The following C3 variants were observed in gnomAD, a reference collection of about 807,000 sequenced individuals.
C3 encodes the protein C3 and PZP-like alpha-2-macroglobulin domain-containing protein 1.
Under a neutral mutation model 207.9 loss-of-function variants are expected in C3, and 97 were observed. The ratio of observed to expected loss-of-function variants is 0.47; its 90% confidence interval spans 0.40 to 0.55. The LOEUF (loss-of-function observed/expected upper bound fraction) is 0.55. C3 is among the 20% of genes least tolerant of loss of function. C3 has a pLI of 0.00. For synonymous variants in C3, 848 were observed against 857.6 expected (o/e 0.99, Z 0.20); for missense variants, 1,684 against 2,171.7 (o/e 0.78, Z 4.46).
chr19:6,678,128 C>A (rs766732348), intron 40 of C3, 24 bp downstream of exon 40: 3 of 1,614,040 alleles, frequency 1.9e-6, no homozygotes, highest in East Asian at 2.2e-5. Context: ...GGCGGTCGCG[C>A]GCACGCGCAG....
rs1452769957 is a variant in C3 at position 6,702,141 on chromosome 19, A to G, written c.2426T>C (p.Met809Thr). 2 of 1,596,312 alleles carry G rather than the reference A, an allele frequency of 1.3e-6. No homozygotes were observed. The highest frequency in any genetic ancestry group is 2.2e-5 in the South Asian group (2 of 90,668). ...TCCTCTCTCACCTTTCTTGTCCGAC[A>G]TGCTCACAGCCAGAATCTCCCACGT... ...ITTWEILAVS[M>T]SDKKGICVAD... Residue 809 changes from methionine (M) to threonine (T), a missense_variant, in exon 19 of 41, where the codon ATG (methionine) becomes ACG (threonine). Met to Thr is a moderately conservative substitution (Grantham distance 81). Coordinates refer to ENST00000245907, the MANE Select transcript of C3 (RefSeq NM_000064.4).
chr19:6,713,332 G>A lies in C3; in HGVS notation c.877-17C>T. 1 of 1,613,844 alleles carries A rather than the reference G, an allele frequency of 6.2e-7. No homozygotes were observed. Among genetic ancestry groups the A allele is most frequent in the Admixed American group, 1.7e-5 (1 of 60,006 alleles). ...ATCCTCAATCTGAGAAGGGAGAGGA[G>A]GGCTCAGAGAGGGGAGCGGGCTCAG... On this transcript the variant is annotated splice_polypyrimidine_tract_variant and intron_variant, in intron 8 of 40. Coordinates refer to ENST00000245907, the MANE Select transcript of C3 (RefSeq NM_000064.4).
intron 11 of C3, 74 bp from the exon 12 acceptor site, chr19:6,711,270 A>G: frequency 1.6e-6 from 2 of 1,244,766 alleles, no homozygotes; most frequent in Non-Finnish European, 2.3e-6. Flanking sequence ...AGACCTGGGA[A>G]TTGGTGGCCT....
chr19:6,705,121 C>A (rs1967747010), intron 17 of C3, among the ~76,000 whole-genome samples: 1 of 152,098 alleles, frequency 6.6e-6, no homozygotes, highest in Non-Finnish European at 1.5e-5. Flanking sequence ...GGGATAGTAA[C>A]ATTTAGCCAT....
At chr19:6,697,291 G>C (rs1244995257) in intron 21 of C3, 53 bp downstream of exon 21, 2 of 1,342,398 alleles carry the variant, frequency 1.5e-6, no homozygotes, top group African/African-American at 2.9e-5. Context: ...ATAGTACGAA[G>C]ACCAGGAGCC....
chr19:6,687,284 C>T (rs1776807900), intron 27 of C3, among the ~76,000 whole-genome samples: 2 of 152,186 alleles, frequency 1.3e-5, no homozygotes, highest in Admixed American at 6.5e-5. Context: ...GAGACATTCT[C>T]CAAATTGTTA....
chr19:6,691,999 CACACACACACACACA>C (rs1568214768), intron 26 of C3, among the ~76,000 whole-genome samples: 4 of 141,476 alleles, frequency 2.8e-5, no homozygotes, highest in African/African-American at 1.2e-4. Context: ...AACACACACA[CACACACACACACACA>C]CACACACACA....
chr19:6,694,360 G>A, intron 24 of C3, 71 bp downstream of exon 24: 1 of 1,384,700 alleles, frequency 7.2e-7, no homozygotes, highest in Non-Finnish European at 1.0e-6. Context: ...CTTGAGATGA[G>A]GTGGGATCTT....
chr19:6,714,503 T>G, intron 4 of C3, 57 bp from the exon 5 acceptor site: 1 of 1,230,004 alleles, frequency 8.1e-7, no homozygotes, highest in Non-Finnish European at 1.2e-6. Context: ...AGGCTGGGCT[T>G]AGCCTCTCAG....
At chr19:6,699,873 T>C (rs1463433608) in intron 19 of C3, among the ~76,000 whole-genome samples, 1 of 151,346 alleles carries the variant, frequency 6.6e-6, no homozygotes, top group African/African-American at 2.4e-5. Context: ...ATTTTGGGTA[T>C]ATTTAAATTA....
intron 26 of C3, 136 bp downstream of exon 26, chr19:6,692,787 CT>C (rs1918198641): frequency 4.6e-6 from 5 of 1,092,442 alleles, no homozygotes; most frequent in Non-Finnish European, 6.9e-6. Flanking sequence ...ATATATCTGC[CT>C]GCCCCCACCC....
At position 6,697,406 on chromosome 19, in the gene C3, C is replaced by A. The variant is rs1202473363; in HGVS notation, c.2734G>T (p.Val912Phe). The change falls in exon 21 of 41, where the codon GTC becomes TTC. Residue 912 changes from valine (V) to phenylalanine (F), a missense_variant. Val to Phe is a conservative substitution (Grantham distance 50). Around this residue, in one of 3 missense-constraint regions of C3, gnomAD observed 1,280 missense variants for 1,739.1 expected, o/e 0.74. Transcript: ENST00000245907. ...AAATGATGGTAGACAGCAGCCTTGA[C>A]TTCCACTTCCTGCAGGCCGGTCTTT... ...PLKTGLQEVE[V>F]KAAVYHHFIS... 3 of 1,614,032 alleles carry A rather than the reference C, an allele frequency of 1.9e-6. No individual in the cohort carries two copies. In the Admixed American group the frequency reaches 5.0e-5, roughly 27 times the overall value.
intron 26 of C3, 60 bp from the exon 27 acceptor site, chr19:6,690,787 T>TC: frequency 6.1e-6 from 8 of 1,314,012 alleles, no homozygotes; most frequent in South Asian, 4.8e-5. Context: ...ATGGCAGTCA[T>TC]CCCCCCTTGC....
chr19:6,717,785 G>GTGTGT (rs549177952), intron 4 of C3: 2 of 527,538 alleles, frequency 3.8e-6, no homozygotes, highest in East Asian at 3.3e-5. Flanking sequence ...GTATTGTGTT[G>GTGTGT]TGTGTTGTGT....
rs2145439351 is a variant in C3, at chr19:6,720,649, G to A, written c.-60C>T. The stretch of plus-strand genomic sequence containing the variant: ...GGACAGAGGGAGAGGATGGGGAGGA[G>A]TGAGCAGCGCCTGCTGGAGCTGGCT... On this transcript the variant is annotated 5_prime_UTR_variant, in exon 1 of 41. Transcript: ENST00000245907. 3.7e-6 allele frequency: 5 copies of A among 1,335,386 alleles called. No homozygotes were observed. Among genetic ancestry groups the A allele is most frequent in the South Asian group, 1.3e-5 (1 of 78,688 alleles). The allele number at this position is 1,335,386 out of a possible 1,614,324, so 82.7% of individuals were successfully genotyped here. A position where few individuals can be genotyped will look rare whatever the true frequency, so the allele number is the denominator to read the frequency against.
At chr19:6,710,227 GGA>G (rs1967882357) in intron 13 of C3, among the ~76,000 whole-genome samples, 3 of 101,190 alleles carry the variant, frequency 3.0e-5, no homozygotes, top group South Asian at 4.4e-4. Flanking sequence ...GGAGAGAGAA[GGA>G]GAGAGAGGGA....
At position 6,686,237 on chromosome 19, in the gene C3, T is replaced by G. The variant is rs1327111445; in HGVS notation, c.3697A>C (p.Thr1233Pro). 5 of 1,614,210 alleles carry G rather than the reference T, an allele frequency of 3.1e-6. No homozygotes were observed. The Middle Eastern group carries it at 5.0e-4, about 160-fold the overall frequency. ...PGKQLYNVEATSYALLALLQL... is the reference protein window; with the variant it reads ...PGKQLYNVEAPSYALLALLQL... ...AGTAGGGCCAAGAGGGCATAGGATG[T>G]GGCCTCCACGTTGTAGAGCTGCTTA... is the stretch of plus-strand genomic sequence containing the variant. Residue 1233 changes from threonine to proline, a missense_variant, in exon 29 of 41, where the codon ACA becomes CCA. Thr to Pro is a conservative substitution (Grantham distance 38). Around this residue, in one of 3 missense-constraint regions of C3, gnomAD observed 1,280 missense variants for 1,739.1 expected, o/e 0.74. Coordinates refer to ENST00000245907, the MANE Select transcript of C3 (RefSeq NM_000064.4).
intron 33 of C3, chr19:6,682,604 T>C (rs1917893297): frequency 3.2e-6 from 1 of 315,746 alleles, no homozygotes; most frequent in African/African-American, 2.1e-5. Flanking sequence ...TCTTTTTCAG[T>C]ACCTTGGTAT....
Position 6,714,509 on chromosome 19 carries a change from C to T in C3, c.505-63G>A. On this transcript the variant is annotated intron_variant, in intron 4 of 40. Coordinates refer to ENST00000245907, the MANE Select transcript of C3 (RefSeq NM_000064.4). ...GCTCTTCGGAGGCTGGGCTTAGCCTCTCAGCTCTCCCCGACCTGTGTCTGG... is the reference window on the plus strand; with the variant it reads ...GCTCTTCGGAGGCTGGGCTTAGCCTTTCAGCTCTCCCCGACCTGTGTCTGG... 19 of 1,128,364 alleles carry T rather than the reference C, an allele frequency of 1.7e-5. No individual in the cohort carries two copies. In the South Asian group the frequency reaches 2.4e-4, roughly 14 times the overall value. 69.9% of individuals were successfully genotyped at this position (1,128,364 alleles called of 1,614,324 possible).
Sources: gnomAD v4.1 joint callset for allele counts (sites outside exome capture counted in the v4.1 genomes callset) on GRCh38, gnomAD v4.1.1 for gene constraint, gnomAD v4.1.1 regional missense constraint, MANE v1.5 for transcripts, NCBI Gene and HGNC (gene_info 2026-07-23, HGNC 2026-07-21) for gene names.